ADARB2: variants seen among roughly 807,000 people sequenced by gnomAD.
The protein encoded by ADARB2 is adenosine deaminase RNA specific B2 (inactive).
In ADARB2, 25 loss-of-function variants were observed where a neutral mutation model predicts 62.2. The observed-to-expected ratio is 0.40, with a 90% CI of 0.29 to 0.56. The LOEUF (loss-of-function observed/expected upper bound fraction) is 0.56, where lower values mean the gene tolerates loss of function less well. Among genes scored for constraint, ADARB2 ranks in the 20% least tolerant of loss-of-function variants. The pLI, the probability that ADARB2 is intolerant of heterozygous loss-of-function variation, is 0.43. For missense variants in ADARB2, 1,071 were observed against 1,077.4 expected, an observed-to-expected ratio of 0.99 and a Z score of 0.08; for synonymous variants, 572 against 500.8, an observed-to-expected ratio of 1.14 and a Z score of -1.90.
chr10:1,633,761 A>G (rs1833879346), intron 1 of ADARB2, among the ~76,000 whole-genome samples: 1 of 152,256 alleles, frequency 6.6e-6, no homozygotes, highest in East Asian at 1.9e-4. Context: ...TGACTCTCCG[A>G]GCTGGTGTTC....
chr10:1,448,023 A>C (rs1830993171), intron 1 of ADARB2, among the ~76,000 whole-genome samples: 1 of 152,216 alleles, frequency 6.6e-6, no homozygotes, highest in African/African-American at 2.4e-5. Flanking sequence ...TATTGTGAAT[A>C]GTGCTGCAAT....
chr10:1,628,929 G>T (rs1833807156), intron 1 of ADARB2, among the ~76,000 whole-genome samples: 1 of 152,240 alleles, frequency 6.6e-6, no homozygotes, highest in South Asian at 2.1e-4. Flanking sequence ...TCTGACTCAA[G>T]ATCGGTCTGT....
intron 2 of ADARB2, among the ~76,000 whole-genome samples, chr10:1,378,343 T>A (rs927696185): frequency 2.6e-5 from 4 of 152,160 alleles, no homozygotes; most frequent in African/African-American, 7.2e-5. Flanking sequence ...CCTTTCCTTG[T>A]TAAATACTTG....
intron 1 of ADARB2, among the ~76,000 whole-genome samples, chr10:1,623,233 A>G (rs1833727964): frequency 6.6e-6 from 1 of 152,216 alleles, no homozygotes; most frequent in Admixed American, 6.5e-5. Context: ...TTCTGCACAC[A>G]CATCCATGAA....
intron 1 of ADARB2, among the ~76,000 whole-genome samples, chr10:1,716,392 T>TA (rs1487833635): frequency 6.6e-6 from 1 of 152,230 alleles, no homozygotes; most frequent in East Asian, 1.9e-4. Context: ...TCAGACAAAG[T>TA]AAAAATTGTA....
intron 3 of ADARB2, among the ~76,000 whole-genome samples, chr10:1,294,913 T>A (rs1400552527): frequency 6.6e-6 from 1 of 152,130 alleles, no homozygotes. Context: ...CTAGACCAAT[T>A]GTGATAGGAT....
intron 1 of ADARB2, among the ~76,000 whole-genome samples, chr10:1,480,245 A>T (rs986223852): frequency 6.6e-6 from 1 of 152,208 alleles, no homozygotes; most frequent in Non-Finnish European, 1.5e-5. Flanking sequence ...AAAAGAATTA[A>T]AATTATCTGT....
At chr10:1,569,048 G>A (rs1832899064) in intron 1 of ADARB2, among the ~76,000 whole-genome samples, 1 of 151,980 alleles carries the variant, frequency 6.6e-6, no homozygotes, top group Non-Finnish European at 1.5e-5. Context: ...CAGAGATAGA[G>A]AGACAGAGAG....
intron 1 of ADARB2, among the ~76,000 whole-genome samples, chr10:1,389,998 G>GAA (rs1832556564): frequency 6.6e-6 from 1 of 152,066 alleles, no homozygotes; most frequent in Non-Finnish European, 1.5e-5. Flanking sequence ...GACTCACATA[G>GAA]GGATATTTAT....
intron 3 of ADARB2, among the ~76,000 whole-genome samples, chr10:1,278,129 CT>C (rs1831336818): frequency 6.6e-6 from 1 of 152,016 alleles, no homozygotes; most frequent in Non-Finnish European, 1.5e-5. Flanking sequence ...GCCACTATGC[CT>C]GGCTAATTTT....
chr10:1,513,171 C>T (rs1043151044), intron 1 of ADARB2, among the ~76,000 whole-genome samples: 1 of 152,122 alleles, frequency 6.6e-6, no homozygotes, highest in African/African-American at 2.4e-5. Flanking sequence ...ATCAAAACAT[C>T]GTGTTGTACA....
At chr10:1,399,582 G>A (rs1372243657) in intron 1 of ADARB2, among the ~76,000 whole-genome samples, 1 of 152,194 alleles carries the variant, frequency 6.6e-6, no homozygotes, top group East Asian at 1.9e-4. Context: ...TGGCTAATGA[G>A]TGCTGAGATA....
At chr10:1,245,192 A>G (rs1279711244) in intron 4 of ADARB2, among the ~76,000 whole-genome samples, 1 of 152,174 alleles carries the variant, frequency 6.6e-6, no homozygotes, top group Non-Finnish European at 1.5e-5. Context: ...CCCAGAGAGC[A>G]CAGCAAGGAC....
At chr10:1,451,796 T>C (rs61834362) in intron 1 of ADARB2, among the ~76,000 whole-genome samples, 150,211 of 152,308 alleles carry the variant, frequency 0.99, 74,092 homozygotes, top group Non-Finnish European at 1. Flanking sequence ...CCGAACATAC[T>C]TGCAGAGGAA....
rs2676715 is a variant in ADARB2, at chr10:1,517,642, G to T, written c.101-138482C>A. Among the ~76,000 whole-genome samples, 1,043 of 152,260 alleles carry T rather than the reference G, an allele frequency of 6.9e-3. 16 individuals carry two copies. The highest frequency in any genetic ancestry group is 0.024 in the African/African-American group (997 of 41,544). On this transcript the variant is annotated intron_variant, in intron 1 of 9. Transcript: ENST00000381312. ...ATGTGTCACCTCGCTTAATAATGAG[G>T]ATTTTGTCAGAATACTTACACACGC...
intron 3 of ADARB2, among the ~76,000 whole-genome samples, chr10:1,339,684 G>A (rs115022424): frequency 0.013 from 1,992 of 152,288 alleles, 51 homozygotes; most frequent in African/African-American, 0.045. Context: ...GAGCAGCAGC[G>A]ATCTGCAGAG....
intron 1 of ADARB2, among the ~76,000 whole-genome samples, chr10:1,444,224 A>G (rs1355213838): frequency 1.4e-5 from 2 of 147,054 alleles, no homozygotes; most frequent in Non-Finnish European, 3.0e-5. Flanking sequence ...CCATCTATCC[A>G]TCCATCCACC....
intron 8 of ADARB2, among the ~76,000 whole-genome samples, chr10:1,188,405 C>G (rs1469726015): frequency 6.6e-6 from 1 of 152,192 alleles, no homozygotes; most frequent in Admixed American, 6.5e-5. Flanking sequence ...AGGAACCGAC[C>G]AACAAGCAAA....
At chr10:1,300,250 T>G (rs1488277167) in intron 3 of ADARB2, among the ~76,000 whole-genome samples, 1 of 152,276 alleles carries the variant, frequency 6.6e-6, no homozygotes, top group Non-Finnish European at 1.5e-5. Context: ...TTTTCTCACA[T>G]GCAGGTATAA....
Sources: allele counts gnomAD v4.1 joint callset (sites outside exome capture counted in the v4.1 genomes callset), GRCh38; gene constraint gnomAD v4.1.1; transcripts MANE v1.5; gene names NCBI Gene and HGNC (gene_info 2026-07-23, HGNC 2026-07-21).